Variants in OPHN1 observed in about 807,000 individuals in gnomAD.
OPHN1 encodes the protein oligophrenin 1, also known as oligophrenin-1.
Under a neutral mutation model 60.7 loss-of-function variants are expected in OPHN1, and 11 were observed. The ratio of observed to expected loss-of-function variants is 0.18; its 90% CI spans 0.11 to 0.30. The LOEUF (loss-of-function observed/expected upper bound fraction) is 0.30. Ranked by LOEUF, OPHN1 falls within the 10% of genes least tolerant of loss-of-function variation. The pLI is 1.00. For synonymous variants in OPHN1, 226 were observed against 222.6 expected (o/e 1.02, Z -0.14); for missense variants, 449 against 611.0 (o/e 0.73, Z 2.80).
At chrX:68,226,231 G>A (rs1335648843) in intron 6 of OPHN1, among the ~76,000 whole-genome samples, 1 of 111,735 alleles carries the variant, frequency 8.9e-6, no homozygotes, top group African/African-American at 3.3e-5. Context: ...GGGACTATGG[G>A]AAAAGACCAA....
At chrX:68,241,909 A>G (rs1157616301) in intron 5 of OPHN1, among the ~76,000 whole-genome samples, 1 of 111,119 alleles carries the variant, frequency 9.0e-6, no homozygotes, top group Non-Finnish European at 1.9e-5. Flanking sequence ...CAACAAGAGC[A>G]AAACTCCATC....
chrX:68,060,392 C>T (rs1473595084), intron 21 of OPHN1, among the ~76,000 whole-genome samples: 1 of 111,211 alleles, frequency 9.0e-6, no homozygotes, highest in Non-Finnish European at 1.9e-5. Flanking sequence ...GTCTGTGAGC[C>T]TCTGTTTCTC....
intron 15 of OPHN1, among the ~76,000 whole-genome samples, chrX:68,142,496 A>T (rs1449556790): frequency 8.9e-6 from 1 of 112,210 alleles, no homozygotes; most frequent in African/African-American, 3.2e-5. Flanking sequence ...CAGATAACTT[A>T]TCAACGTCTG....
intron 2 of OPHN1, among the ~76,000 whole-genome samples, chrX:68,403,207 G>A (rs772749784): frequency 8.9e-6 from 1 of 112,395 alleles, no homozygotes; most frequent in South Asian, 3.7e-4. Context: ...ACAGACTCCA[G>A]CAAGACACTT....
chrX:68,393,893 T>G (rs966233948), intron 2 of OPHN1, among the ~76,000 whole-genome samples: 3 of 68,081 alleles, frequency 4.4e-5, no homozygotes, highest in African/African-American at 1.4e-4. Context: ...TTGTTTTTTT[T>G]TTTTTTTTTT....
chrX:68,090,066 C>CCAAGCTAAAT (rs2077010838), intron 19 of OPHN1, among the ~76,000 whole-genome samples: 1 of 111,665 alleles, frequency 9.0e-6, no homozygotes, highest in African/African-American at 3.3e-5. Context: ...ATATTAGATT[C>CCAAGCTAAAT]ACATGTAGAG....
chrX:68,211,613 T>C (rs2077584947), intron 8 of OPHN1, among the ~76,000 whole-genome samples: 1 of 112,437 alleles, frequency 8.9e-6, no homozygotes, highest in Non-Finnish European at 1.9e-5. Context: ...ACACTATGCC[T>C]ACATGCCCAT....
chrX:68,382,953 G>A (rs1399485374), intron 2 of OPHN1, among the ~76,000 whole-genome samples: 2 of 111,342 alleles, frequency 1.8e-5, no homozygotes, highest in Admixed American at 9.6e-5. Context: ...TCGGTGATAG[G>A]CAAGATCTCT....
At chrX:68,101,945 C>T (rs1396910941) in intron 18 of OPHN1, 1 of 111,862 alleles carries the variant, frequency 8.9e-6, no homozygotes, top group Non-Finnish European at 1.9e-5. Flanking sequence ...ACAAAACATA[C>T]AAGAAGTAGA....
intron 20 of OPHN1, among the ~76,000 whole-genome samples, chrX:68,066,506 C>T (rs1336465328): frequency 9.0e-6 from 1 of 111,009 alleles, no homozygotes; most frequent in Non-Finnish European, 1.9e-5. Context: ...CGGAGCCAGG[C>T]CTTTCAGCAG....
chrX:68,222,160 CAA>C (rs1157910958), intron 6 of OPHN1, among the ~76,000 whole-genome samples: 1 of 108,704 alleles, frequency 9.2e-6, no homozygotes, highest in Non-Finnish European at 1.9e-5. Context: ...TTTATGCAGC[CAA>C]AAAACACATG....
At chrX:68,131,927 C>T (rs2077196327) in intron 15 of OPHN1, among the ~76,000 whole-genome samples, 1 of 112,325 alleles carries the variant, frequency 8.9e-6, no homozygotes, top group African/African-American at 3.2e-5. Flanking sequence ...TTTTTAAGTC[C>T]ATTCCGCATG....
chrX:68,169,601 G>C (rs968084686), intron 15 of OPHN1, among the ~76,000 whole-genome samples: 1 of 108,054 alleles, frequency 9.3e-6, no homozygotes, highest in Non-Finnish European at 1.9e-5. Flanking sequence ...CAATGGAACA[G>C]AACAGAGCCC....
intron 21 of OPHN1, among the ~76,000 whole-genome samples, chrX:68,058,269 C>G (rs2076880853): frequency 9.0e-6 from 1 of 110,747 alleles, no homozygotes; most frequent in Admixed American, 9.7e-5. Flanking sequence ...AACACACACA[C>G]ACACACACAC....
intron 2 of OPHN1, among the ~76,000 whole-genome samples, chrX:68,423,380 C>T (rs1352914605): frequency 5.4e-5 from 6 of 110,481 alleles, no homozygotes; most frequent in Non-Finnish European, 9.4e-5. Flanking sequence ...TAAGATAGAG[C>T]TAAAGGAAGA....
At chrX:68,146,750 G>T (rs780637093) in intron 15 of OPHN1, among the ~76,000 whole-genome samples, 21 of 112,136 alleles carry the variant, frequency 1.9e-4, no homozygotes, top group Non-Finnish European at 3.6e-4. Context: ...TCTTTACAAA[G>T]ACCTCAGATG....
intron 21 of OPHN1, among the ~76,000 whole-genome samples, chrX:68,056,309 C>T (rs913697056): frequency 9.0e-6 from 1 of 111,023 alleles, no homozygotes; most frequent in Non-Finnish European, 1.9e-5. Context: ...CCTCTGAACA[C>T]CCTAGTAGGT....
intron 9 of OPHN1, among the ~76,000 whole-genome samples, chrX:68,207,269 C>T (rs772218194): frequency 1.3e-4 from 14 of 108,584 alleles, no homozygotes; most frequent in Non-Finnish European, 2.3e-4. Context: ...GCTGGGACTA[C>T]AGGCACCCAC....
At chrX:68,395,394 G>A (rs1186698597) in intron 2 of OPHN1, among the ~76,000 whole-genome samples, 1 of 110,067 alleles carries the variant, frequency 9.1e-6, no homozygotes, top group East Asian at 2.8e-4. Context: ...CCCACCATCC[G>A]ACTAGCTGAG....
Sources: allele counts gnomAD v4.1 joint callset (sites outside exome capture counted in the v4.1 genomes callset), GRCh38; gene constraint gnomAD v4.1.1; transcripts MANE v1.5; gene names NCBI Gene and HGNC (gene_info 2026-07-23, HGNC 2026-07-21).